The following AK8 variants were observed in gnomAD, a reference collection of about 807,000 sequenced individuals.
AK8 encodes the protein ATP-AMP transphosphorylase 8.
In AK8, 44 loss-of-function variants were observed where a neutral mutation model predicts 54.6. The ratio of observed to expected loss-of-function variants is 0.81; its 90% confidence interval spans 0.63 to 1.04. The LOEUF (loss-of-function observed/expected upper bound fraction) is 1.04, where lower values mean the gene tolerates loss of function less well. Ranked by LOEUF, AK8 falls within the 50% of genes least tolerant of loss-of-function variation. AK8 has a pLI of 0.00. For missense variants in AK8, 555 were observed against 613.6 expected (o/e 0.90, Z 1.01); for synonymous variants, 239 against 245.6 (o/e 0.97, Z 0.25).
At chr9:132,739,755 T>C (rs1837282162) in intron 11 of AK8, among the ~76,000 whole-genome samples, 1 of 152,150 alleles carries the variant, frequency 6.6e-6, no homozygotes, top group Non-Finnish European at 1.5e-5. Context: ...AAATAAAAAG[T>C]CAACTTCTAC....
chr9:132,852,889 T>C (rs967864168), intron 5 of AK8, among the ~76,000 whole-genome samples: 1 of 148,414 alleles, frequency 6.7e-6, no homozygotes, highest in African/African-American at 2.5e-5. Context: ...GTTATTGGAG[T>C]TGCAGAAGGA....
chr9:132,752,709 C>T (rs1837994907), intron 11 of AK8, among the ~76,000 whole-genome samples: 1 of 144,930 alleles, frequency 6.9e-6, no homozygotes, highest in East Asian at 2.0e-4. Context: ...AGGACATGGA[C>T]GCTGGCTGCC....
At chr9:132,743,513 C>A (rs901475094) in intron 11 of AK8, among the ~76,000 whole-genome samples, 1 of 152,222 alleles carries the variant, frequency 6.6e-6, no homozygotes, top group South Asian at 2.1e-4. Context: ...CGCTACCCAC[C>A]GCCAGATTCC....
At chr9:132,867,715 G>A (rs1381755733) in intron 2 of AK8, among the ~76,000 whole-genome samples, 1 of 152,224 alleles carries the variant, frequency 6.6e-6, no homozygotes, top group Non-Finnish European at 1.5e-5. Context: ...GAGATTCAGT[G>A]GCCCTTTCTC....
intron 4 of AK8, among the ~76,000 whole-genome samples, chr9:132,855,608 T>C (rs375973098): frequency 6.6e-6 from 1 of 152,198 alleles, no homozygotes; most frequent in East Asian, 1.9e-4. Flanking sequence ...TTGTTGAATA[T>C]TGACCAGCAG....
rs1402823452 is a variant in AK8, at chr9:132,748,863, C to T, written c.1122-21329G>A. Among the ~76,000 whole-genome samples the T allele has an allele frequency of 2.0e-5, 3 of 151,774 alleles. 1 individual carries two copies. Among genetic ancestry groups the T allele is most frequent in the Non-Finnish European group, 4.4e-5 (3 of 67,846 alleles). On this transcript the variant is annotated intron_variant, in intron 11 of 12. Coordinates refer to ENST00000298545, the MANE Select transcript of AK8 (RefSeq NM_152572.3). Reference sequence around the variant, plus strand: ...ATGGATAATTTTTCTGATGAAGTGGCTAAGTTGTGTTTGTTTGTTTGTTTG... The same window carrying T: ...ATGGATAATTTTTCTGATGAAGTGGTTAAGTTGTGTTTGTTTGTTTGTTTG...
intron 2 of AK8, among the ~76,000 whole-genome samples, chr9:132,874,051 G>C (rs188816014): frequency 3.3e-5 from 5 of 152,298 alleles, no homozygotes; most frequent in African/African-American, 1.2e-4. Flanking sequence ...CACCACCCCC[G>C]CCTGGGCATA....
intron 5 of AK8, among the ~76,000 whole-genome samples, chr9:132,831,788 C>G (rs1842111700): frequency 6.6e-6 from 1 of 152,118 alleles, no homozygotes; most frequent in East Asian, 1.9e-4. Flanking sequence ...GGTGCAGTGG[C>G]TCATGCCTGA....
rs553687495 is a variant in AK8 at position 132,860,187 on chromosome 9, C to T, written c.333+3478G>A. On this transcript the variant is annotated intron_variant, in intron 4 of 12. Coordinates refer to ENST00000298545, the MANE Select transcript of AK8 (RefSeq NM_152572.3). The surrounding 1 kb of genome is among the most constrained non-coding windows in gnomAD (Gnocchi z 4.4). ...GCCTGGACCCAGAAGCATCACATGT[C>T]CCTGATGGTCCAGTGAGGGAGGGGC... Among the ~76,000 whole-genome samples, 6 of 152,236 alleles carry T rather than the reference C, an allele frequency of 3.9e-5. 1 individual carries two copies. In the South Asian group the frequency reaches 1.0e-3, roughly 26 times the overall value.
In AK8 at chr9:132,741,593, G is replaced by A. The variant is rs888169792; in HGVS notation, c.1122-14059C>T. On this transcript the variant is annotated intron_variant, in intron 11 of 12. Transcript: ENST00000298545. Reference sequence around the variant, plus strand: ...GCTCAGCTGTAAGGGGTGGGTCACCGCAGCCTCCAACTGAAGCATCGTGAG... The same window carrying A: ...GCTCAGCTGTAAGGGGTGGGTCACCACAGCCTCCAACTGAAGCATCGTGAG... Among the ~76,000 whole-genome samples the A allele has an allele frequency of 7.2e-5, 11 of 152,180 alleles. No individual in the cohort carries two copies. The East Asian group carries it at 9.6e-4, about 13-fold the overall frequency.
At chr9:132,851,177 C>A (rs1288197924) in intron 5 of AK8, among the ~76,000 whole-genome samples, 2 of 152,186 alleles carry the variant, frequency 1.3e-5, no homozygotes, top group Non-Finnish European at 2.9e-5. Context: ...GGGGAGATAC[C>A]TCTGTGGGGT....
At position 132,725,608 on chromosome 9, in the gene AK8, G is replaced by A. The variant is rs1423388725; in HGVS notation, c.*80C>T. ...TCCAGCAGGCTTTATTGGCTTTTTA[G>A]GGGAGCTGTGCCGAGGCTGGGGGGC... On this transcript the variant is annotated 3_prime_UTR_variant, in exon 13 of 13. Transcript: ENST00000298545. The A allele has an allele frequency of 3.1e-6, 4 of 1,300,036 alleles. No homozygotes were observed. The highest frequency in any genetic ancestry group is 1.5e-5 in the African/African-American group (1 of 67,926). The allele number at this position is 1,300,036 out of a possible 1,614,324, so 80.5% of individuals were successfully genotyped here. A position where few individuals can be genotyped will look rare whatever the true frequency, so the allele number is the denominator to read the frequency against.
At chr9:132,808,914 C>A (rs446296) in intron 10 of AK8, among the ~76,000 whole-genome samples, 42,761 of 151,842 alleles carry the variant, frequency 0.28, 6,139 homozygotes, top group East Asian at 0.49. Context: ...CCCAGGAAGA[C>A]TCTATAGTGC....
chr9:132,788,867 A>G (rs774167409), intron 11 of AK8, among the ~76,000 whole-genome samples: 1 of 152,262 alleles, frequency 6.6e-6, no homozygotes, highest in Non-Finnish European at 1.5e-5. Context: ...ACAAAGCACA[A>G]GAATGTGGAA....
At position 132,837,504 on chromosome 9, in the gene AK8, G is replaced by A. The variant is rs1300677594; in HGVS notation, c.403-8778C>T. On this transcript the variant is annotated intron_variant, in intron 5 of 12. Transcript: ENST00000298545. This position sits in a 1 kb window ranked among gnomAD's most constrained non-coding sequence, Gnocchi z 4.3. ...GTCCAGTCCCGTTCCCATCATCTCC[G>A]TGCCTCTCAATACTCTCTCCTGCTC... Among the ~76,000 whole-genome samples, 2 of 151,900 alleles carry A rather than the reference G, an allele frequency of 1.3e-5. No homozygotes were observed. Among genetic ancestry groups the A allele is most frequent in the African/African-American group, 2.4e-5 (1 of 41,348 alleles).
chr9:132,772,253 C>T (rs141619896), intron 11 of AK8, among the ~76,000 whole-genome samples: 8 of 152,208 alleles, frequency 5.3e-5, no homozygotes, highest in African/African-American at 1.9e-4. Flanking sequence ...CCTGAACTAC[C>T]AGACTCATAG....
chr9:132,861,866 G>C (rs1366409455), intron 4 of AK8, among the ~76,000 whole-genome samples: 2 of 152,256 alleles, frequency 1.3e-5, no homozygotes, highest in Non-Finnish European at 2.9e-5. Context: ...TCTTTGATGA[G>C]GCCTGACATC....
chr9:132,873,051 G>A (rs1843925974), intron 2 of AK8, among the ~76,000 whole-genome samples: 1 of 152,116 alleles, frequency 6.6e-6, no homozygotes, highest in Admixed American at 6.5e-5. Flanking sequence ...CTGACCTCAT[G>A]ATCCGCCCAC....
chr9:132,812,740 G>A (rs1222700328), intron 10 of AK8, among the ~76,000 whole-genome samples: 1 of 152,210 alleles, frequency 6.6e-6, no homozygotes, highest in Non-Finnish European at 1.5e-5. Context: ...CACATGGCTG[G>A]TGGGGGCAGC....
Sources: gnomAD v4.1 joint callset for allele counts (sites outside exome capture counted in the v4.1 genomes callset) on GRCh38, gnomAD v4.1.1 for gene constraint, Gnocchi (gnomAD v3.1) non-coding constraint, MANE v1.5 for transcripts, NCBI Gene and HGNC (gene_info 2026-07-23, HGNC 2026-07-21) for gene names.